NEBL: variants seen among roughly 807,000 people sequenced by gnomAD.
NEBL encodes LIM and SH3 protein 2.
NEBL carries 122 observed loss-of-function variants against 140.2 expected under a neutral mutation model. The ratio of observed to expected loss-of-function variants is 0.87; its 90% CI spans 0.75 to 1.01. The LOEUF (loss-of-function observed/expected upper bound fraction) is 1.01. Ranked by LOEUF, NEBL falls within the 50% of genes least tolerant of loss-of-function variation. NEBL has a pLI of 0.00. For missense variants in NEBL, 1,365 were observed against 1,231.3 expected, an observed-to-expected ratio of 1.11 and a Z score of -1.62; for synonymous variants, 436 against 398.9, an observed-to-expected ratio of 1.09 and a Z score of -1.11.
At chr10:21,069,984 G>T in intron 2 of NEBL, 1 of 456,234 alleles carries the variant, frequency 2.2e-6, no homozygotes, top group Non-Finnish European at 4.4e-6. Flanking sequence ...CCTGGAGCCA[G>T]AATGCAGCCA....
At chr10:21,194,815 A>C (rs1589324218) in intron 3 of NEBL, among the ~76,000 whole-genome samples, 1 of 145,528 alleles carries the variant, frequency 6.9e-6, no homozygotes, top group African/African-American at 2.5e-5. Flanking sequence ...CGCCGCCCTG[A>C]CCCCCACCCC....
At chr10:20,960,826 A>G (rs914372349) in intron 4 of NEBL, among the ~76,000 whole-genome samples, 8 of 152,164 alleles carry the variant, frequency 5.3e-5, no homozygotes, top group African/African-American at 9.6e-5. Context: ...TACATCAGTT[A>G]TAACACCTAG....
At chr10:21,182,293 A>C (rs1349620318) in intron 3 of NEBL, among the ~76,000 whole-genome samples, 1 of 151,926 alleles carries the variant, frequency 6.6e-6, no homozygotes, top group African/African-American at 2.4e-5. Context: ...GCAACAAAGC[A>C]AGGCCCTGTC....
chr10:20,963,365 G>T (rs1836148202), intron 3 of NEBL, among the ~76,000 whole-genome samples: 1 of 152,120 alleles, frequency 6.6e-6, no homozygotes, highest in Non-Finnish European at 1.5e-5. Flanking sequence ...GGATGACAAG[G>T]TTGGAATAGC....
At chr10:20,905,351 A>T (rs1244550425) in intron 4 of NEBL, among the ~76,000 whole-genome samples, 2 of 152,152 alleles carry the variant, frequency 1.3e-5, no homozygotes, top group African/African-American at 4.8e-5. Context: ...GGTTTAATTG[A>T]CTCACAGTTT....
intron 6 of NEBL, among the ~76,000 whole-genome samples, chr10:20,869,280 G>A (rs2296611): frequency 0.041 from 6,302 of 152,214 alleles, 411 homozygotes; most frequent in African/African-American, 0.14. Flanking sequence ...TAACTAAAGC[G>A]GGCACCTTAG....
At chr10:21,163,783 A>G (rs1454221404) in intron 2 of NEBL, among the ~76,000 whole-genome samples, 1 of 152,246 alleles carries the variant, frequency 6.6e-6, no homozygotes, top group Non-Finnish European at 1.5e-5. Context: ...GAATGCACAC[A>G]TCGAACTAGT....
intron 3 of NEBL, among the ~76,000 whole-genome samples, chr10:21,011,578 G>A (rs568248268): frequency 3.9e-5 from 6 of 152,250 alleles, no homozygotes; most frequent in South Asian, 2.1e-4. Context: ...TTCTCTCCTC[G>A]AACTCCTTTG....
intron 3 of NEBL, among the ~76,000 whole-genome samples, chr10:20,984,921 C>T (rs1055975868): frequency 6.6e-6 from 1 of 152,130 alleles, no homozygotes; most frequent in South Asian, 2.1e-4. Context: ...AGCACGAACC[C>T]TATTGTGAAC....
At chr10:20,805,852 C>CAA (rs11298619) in intron 26 of NEBL, among the ~76,000 whole-genome samples, 3 of 141,458 alleles carry the variant, frequency 2.1e-5, no homozygotes, top group Non-Finnish European at 4.7e-5. Context: ...GACTCCGTCT[C>CAA]AAAAAAAAAA....
chr10:20,938,196 G>A (rs1243727047), intron 4 of NEBL, among the ~76,000 whole-genome samples: 1 of 152,174 alleles, frequency 6.6e-6, no homozygotes, highest in African/African-American at 2.4e-5. Flanking sequence ...CCCCAGTAGG[G>A]GCAGACTGAC....
intron 2 of NEBL, among the ~76,000 whole-genome samples, chr10:21,061,692 C>G (rs996729559): frequency 1.3e-5 from 2 of 152,000 alleles, no homozygotes; most frequent in African/African-American, 4.8e-5. Flanking sequence ...AAAAAAGAAG[C>G]ATGCTAATAA....
At chr10:21,090,099 T>C (rs1338364571) in intron 2 of NEBL, among the ~76,000 whole-genome samples, 1 of 152,188 alleles carries the variant, frequency 6.6e-6, no homozygotes, top group Non-Finnish European at 1.5e-5. Context: ...CCAGGTGCAC[T>C]GTGAGCTCCA....
intron 4 of NEBL, among the ~76,000 whole-genome samples, chr10:20,935,800 A>C (rs7905899): frequency 0.99 from 150,978 of 152,202 alleles, 74,881 homozygotes; most frequent in East Asian, 1. Flanking sequence ...CATTTGTGAA[A>C]TAATAATCTA....
upstream of NEBL, among the ~76,000 whole-genome samples, chr10:20,898,379 T>A (rs867901317): frequency 6.6e-6 from 1 of 152,098 alleles, no homozygotes; most frequent in Non-Finnish European, 1.5e-5. Flanking sequence ...AAAAATAGTA[T>A]GTCATTCTAA....
intron 5 of NEBL, among the ~76,000 whole-genome samples, chr10:20,870,325 C>A (rs925567934): frequency 1.8e-3 from 198 of 107,786 alleles, no homozygotes; most frequent in South Asian, 2.2e-3. Context: ...GACTTTATCT[C>A]AAAAAAAAAA....
At chr10:20,929,229 A>G (rs1834059483) in intron 4 of NEBL, among the ~76,000 whole-genome samples, 1 of 151,890 alleles carries the variant, frequency 6.6e-6, no homozygotes, top group Admixed American at 6.6e-5. Flanking sequence ...CCATCAACAG[A>G]TGACTGGATA....
At chr10:20,823,383 G>T in intron 18 of NEBL, 83 bp from the exon 19 acceptor site, 4 of 995,008 alleles carry the variant, frequency 4.0e-6, no homozygotes, top group Non-Finnish European at 4.5e-6. Context: ...TGTAACTATT[G>T]CATAATTGAA....
At chr10:20,840,716 A>T (rs375985605) in intron 13 of NEBL, 23 bp downstream of exon 13, 1 of 1,436,410 alleles carries the variant, frequency 7.0e-7, no homozygotes, top group African/African-American at 1.4e-5. Flanking sequence ...TATTCATCTA[A>T]GGTGTTAAAT....
Sources: allele counts gnomAD v4.1 joint callset (sites outside exome capture counted in the v4.1 genomes callset), GRCh38; gene constraint gnomAD v4.1.1; transcripts MANE v1.5; gene names NCBI Gene and HGNC (gene_info 2026-07-23, HGNC 2026-07-21).